NPEPPS: variants seen among roughly 807,000 people sequenced by gnomAD.
The protein encoded by NPEPPS is puromycin-sensitive aminopeptidase.
NPEPPS carries 14 observed loss-of-function variants against 115.5 expected under a neutral mutation model. The observed-to-expected ratio is 0.12, with a 90% CI of 0.08 to 0.19. The LOEUF is 0.19. Among genes scored for constraint, NPEPPS ranks in the 10% least tolerant of loss-of-function variants. The probability of loss-of-function intolerance (pLI) is 1.00; values close to 1 mark genes in which losing one functional copy is unlikely to be tolerated. For synonymous variants in NPEPPS, 285 were observed against 390.6 expected (o/e 0.73, Z 3.19); for missense variants, 523 against 1,110.8 (o/e 0.47, Z 7.52).
At chr17:47,592,788 A>C (rs982609988) in intron 12 of NPEPPS, 6 of 368,384 alleles carry the variant, frequency 1.6e-5, no homozygotes, top group Non-Finnish European at 1.0e-5. Context: ...TCTAGGGTGC[A>C]TGTGCACAAT....
chr17:47,535,549 CAAAAAA>C (rs1002859470), intron 1 of NPEPPS, among the ~76,000 whole-genome samples: 1 of 88,944 alleles, frequency 1.1e-5, no homozygotes. Context: ...GGCTCCGTCT[CAAAAAA>C]AAAAAAAAAA....
In NPEPPS at chr17:47,569,186, C is replaced by T. The variant is rs564663359; in HGVS notation, c.341-231C>T. 9.2e-5 allele frequency among the ~76,000 whole-genome samples: 14 copies of T among 152,008 alleles called. 1 individual carries two copies. Among genetic ancestry groups the T allele is most frequent in the African/African-American group, 3.1e-4 (13 of 41,458 alleles). On this transcript the variant is annotated intron_variant, in intron 2 of 22. Coordinates refer to ENST00000322157, the MANE Select transcript of NPEPPS (RefSeq NM_006310.4). ...AGCCTTCTTTCCTGTACATCACTGACGTTTTGTGAATTTTAAAGAATTTGT... is the reference window on the plus strand; with the variant it reads ...AGCCTTCTTTCCTGTACATCACTGATGTTTTGTGAATTTTAAAGAATTTGT...
intron 15 of NPEPPS, among the ~76,000 whole-genome samples, chr17:47,603,264 T>G (rs1913328149): frequency 1.3e-5 from 2 of 151,964 alleles, no homozygotes; most frequent in African/African-American, 4.8e-5. Flanking sequence ...ATTACAAAAT[T>G]AGCTGGGTGT....
At chr17:47,608,127 C>T (rs2143940550) in intron 17 of NPEPPS, among the ~76,000 whole-genome samples, 1 of 152,202 alleles carries the variant, frequency 6.6e-6, no homozygotes, top group East Asian at 1.9e-4. Context: ...CAGCCATGAG[C>T]CACTGTGCCT....
At chr17:47,568,705 G>T (rs1437650606) in intron 2 of NPEPPS, among the ~76,000 whole-genome samples, 2 of 151,926 alleles carry the variant, frequency 1.3e-5, no homozygotes, top group Non-Finnish European at 2.9e-5. Flanking sequence ...GTTTAGGCTG[G>T]AGTGCAATGA....
chr17:47,605,715 A>G (rs917316322), intron 17 of NPEPPS, among the ~76,000 whole-genome samples, 163 bp downstream of exon 17: 3 of 152,224 alleles, frequency 2.0e-5, no homozygotes, highest in African/African-American at 7.2e-5. Context: ...GTGAAGTTAC[A>G]TGGGTCAACA....
At chr17:47,553,330 G>A (rs1302994721) in intron 2 of NPEPPS, among the ~76,000 whole-genome samples, 4 of 150,376 alleles carry the variant, frequency 2.7e-5, no homozygotes, top group East Asian at 1.9e-4. Context: ...CCAAGATCAC[G>A]CCATTGCACT....
intron 17 of NPEPPS, among the ~76,000 whole-genome samples, chr17:47,609,481 G>T (rs370128596): frequency 6.6e-6 from 1 of 152,170 alleles, no homozygotes; most frequent in African/African-American, 2.4e-5. Flanking sequence ...ATCACACAGC[G>T]TGTTAGTACC....
In NPEPPS at chr17:47,585,694, G is replaced by A. The variant is rs3968301; in HGVS notation, c.843G>A (p.Ala281=). The A allele has an allele frequency of 5.0e-5, 81 of 1,612,860 alleles. No homozygotes were observed. The highest frequency in any genetic ancestry group is 5.9e-5 in the Non-Finnish European group (70 of 1,178,984). ...PVGKAEQGKF[A]LEVAAKTLPF... ...GCAAAGCAGAGCAAGGAAAATTTGCGTTAGAGGTAAATGTACTTGAAGAGG... is the reference window on the plus strand; with the variant it reads ...GCAAAGCAGAGCAAGGAAAATTTGCATTAGAGGTAAATGTACTTGAAGAGG... Residue 281 remains alanine (A), a synonymous_variant, in exon 6 of 23, where the codon GCG becomes GCA. Transcript: ENST00000322157.
At chr17:47,527,750 TAAAC>T (rs1907496853), upstream of NPEPPS, among the ~76,000 whole-genome samples, 2 of 148,656 alleles carry the variant, frequency 1.3e-5, no homozygotes, top group African/African-American at 2.5e-5. Context: ...AAAGAAAAAA[TAAAC>T]AAGAAAAACA....
intron 22 of NPEPPS, chr17:47,620,039 C>T (rs774404228): frequency 1.1e-4 from 36 of 341,078 alleles, no homozygotes; most frequent in Non-Finnish European, 1.6e-4. Flanking sequence ...TCAAGACCAG[C>T]CCGGGCAACA....
intron 5 of NPEPPS, among the ~76,000 whole-genome samples, chr17:47,584,894 C>G (rs1269840050): frequency 6.6e-6 from 1 of 152,094 alleles, no homozygotes; most frequent in Non-Finnish European, 1.5e-5. Context: ...GTGGTGTGAT[C>G]CCAGCTCACT....
chr17:47,603,801 T>A (rs1913372422), intron 15 of NPEPPS, 114 bp from the exon 16 acceptor site: 1 of 920,624 alleles, frequency 1.1e-6, no homozygotes, highest in African/African-American at 1.7e-5. Flanking sequence ...ATAGATGGTC[T>A]TAATTGTTTT....
intron 2 of NPEPPS, among the ~76,000 whole-genome samples, chr17:47,550,187 C>T (rs1453220293): frequency 3.3e-5 from 5 of 152,112 alleles, no homozygotes; most frequent in Middle Eastern, 3.4e-3. Flanking sequence ...CCCGCCTTGG[C>T]CTCCCGAAGT....
intron 13 of NPEPPS, 29 bp downstream of exon 13, chr17:47,596,491 T>G: frequency 4.2e-6 from 6 of 1,412,762 alleles, no homozygotes; most frequent in Non-Finnish European, 5.9e-6. Context: ...TCCATTTGTC[T>G]GATATTGTAT....
chr17:47,599,765 A>G, intron 14 of NPEPPS, 26 bp downstream of exon 14: 1 of 1,525,774 alleles, frequency 6.6e-7, no homozygotes, highest in African/African-American at 1.4e-5. Flanking sequence ...TAAGTGAGAT[A>G]TGATTGATGA....
At position 47,587,885 on chromosome 17, in the gene NPEPPS, T is replaced by C. The variant is rs12450108; in HGVS notation, c.1095+541T>C. 5.7e-3 allele frequency among the ~76,000 whole-genome samples: 860 copies of C among 151,584 alleles called. 11 individuals are homozygous for C. The highest frequency in any genetic ancestry group is 0.02 in the African/African-American group (823 of 41,234). ...CTGTATTAAAATTCCAGCTGTTCTG[T>C]TGAAATCCTTATAATGTTTGCAGTA... On this transcript the variant is annotated intron_variant, in intron 9 of 22. Coordinates refer to ENST00000322157, the MANE Select transcript of NPEPPS (RefSeq NM_006310.4).
At chr17:47,526,319 G>C (rs1385601691), upstream of NPEPPS, among the ~76,000 whole-genome samples, 1 of 152,218 alleles carries the variant, frequency 6.6e-6, no homozygotes, top group Non-Finnish European at 1.5e-5. Flanking sequence ...TGGGAAAAGA[G>C]AGTTGGGTGG....
chr17:47,578,544 AAAG>A (rs1382835091), intron 3 of NPEPPS, among the ~76,000 whole-genome samples: 1 of 152,134 alleles, frequency 6.6e-6, no homozygotes, highest in Non-Finnish European at 1.5e-5. Flanking sequence ...ATGTTATAAA[AAAG>A]AAAGTATATG....
Sources: gnomAD v4.1 joint callset for allele counts (sites outside exome capture counted in the v4.1 genomes callset) on GRCh38, gnomAD v4.1.1 for gene constraint, MANE v1.5 for transcripts, NCBI Gene and HGNC (gene_info 2026-07-23, HGNC 2026-07-21) for gene names.